The following TTC21A variants were observed in gnomAD, a reference collection of about 807,000 sequenced individuals.
The protein encoded by TTC21A is tetratricopeptide repeat protein 21A.
In TTC21A, 128 loss-of-function variants were observed where a neutral mutation model predicts 156.4. The ratio of observed to expected loss-of-function variants is 0.82; its 90% CI spans 0.71 to 0.95. The LOEUF is 0.95. Ranked by LOEUF, TTC21A falls within the 40% of genes least tolerant of loss-of-function variation. The pLI, the probability that TTC21A is intolerant of heterozygous loss-of-function variation, is 0.00. For missense variants in TTC21A, 1,435 were observed against 1,602.3 expected (o/e 0.90, Z 1.78); for synonymous variants, 587 against 617.1 (o/e 0.95, Z 0.72).
intron 22 of TTC21A, 70 bp downstream of exon 22, chr3:39,135,244 G>GA: frequency 7.4e-7 from 1 of 1,342,446 alleles, no homozygotes; most frequent in Non-Finnish European, 1.1e-6. Context: ...AGAGAAGGGT[G>GA]GGACCTCTCC....
intron 23 of TTC21A, 49 bp downstream of exon 23, chr3:39,136,556 ACTGGC>A: frequency 6.3e-7 from 1 of 1,592,808 alleles, no homozygotes; most frequent in South Asian, 1.1e-5. Flanking sequence ...AGGAAGCCCT[ACTGGC>A]AGATAGGCTA....
intron 7 of TTC21A, chr3:39,119,295 G>A (rs944187772): frequency 1.3e-5 from 2 of 152,306 alleles, no homozygotes; most frequent in Non-Finnish European, 2.9e-5. Context: ...CCTGGGTGGG[G>A]AGTGGGAAAG....
At chr3:39,112,736 G>A in intron 5 of TTC21A, 156 bp downstream of exon 5, 1 of 668,472 alleles carries the variant, frequency 1.5e-6, no homozygotes. Flanking sequence ...AACCAATCCA[G>A]GGTTACACAG....
At chr3:39,119,730 T>C (rs1250336544) in intron 7 of TTC21A, 192 bp from the exon 8 acceptor site, 3 of 511,056 alleles carry the variant, frequency 5.9e-6, no homozygotes, top group South Asian at 3.0e-5. Context: ...GTTCCACTTA[T>C]AGGCCTTTGA....
intron 6 of TTC21A, among the ~76,000 whole-genome samples, chr3:39,116,102 G>A (rs1377851684): frequency 1.3e-5 from 2 of 152,234 alleles, no homozygotes; most frequent in Non-Finnish European, 2.9e-5. Context: ...AGCCATATGT[G>A]GATGTTTGTG....
Position 39,138,447 on chromosome 3 carries a change from C to T in TTC21A, c.3796+60C>T. 7 of 1,613,276 alleles carry T rather than the reference C, an allele frequency of 4.3e-6. No individual in the cohort carries two copies. In the Admixed American group the frequency reaches 1.2e-4, roughly 27 times the overall value. On this transcript the variant is annotated intron_variant, in intron 27 of 28. Transcript: ENST00000683103. ...GTGGGAGGGAGGTGGGCAGGAGGGC[C>T]CCCACCATGACCCCAGAACTCAAGG...
At chr3:39,120,185 G>A (rs984322089) in intron 8 of TTC21A, among the ~76,000 whole-genome samples, 165 bp downstream of exon 8, 8 of 152,138 alleles carry the variant, frequency 5.3e-5, no homozygotes, top group Non-Finnish European at 8.8e-5. Context: ...CTTGCCTCTG[G>A]CTGATAACTG....
Position 39,118,153 on chromosome 3 carries a change from A to G in TTC21A, c.801A>G (p.Thr267=). Residue 267 remains threonine (T), a splice_region_variant and synonymous_variant, in exon 7 of 29, where the codon ACA becomes ACG. Coordinates refer to ENST00000683103, the MANE Select transcript of TTC21A (RefSeq NM_001366900.1). ...TTGCAAGAGAAGGAAACATGACCAC[A>G]GTAAGTTCTTTGAAGACTCAGAAGG... is the stretch of plus-strand genomic sequence containing the variant. ...HELAREGNMT[T]ATNHVRNLIK... is the part of the protein sequence containing the mutation. 1 of 1,614,138 alleles carries G rather than the reference A, an allele frequency of 6.2e-7. No homozygotes were observed. The highest frequency in any genetic ancestry group is 8.5e-7 in the Non-Finnish European group (1 of 1,179,978).
intron 9 of TTC21A, among the ~76,000 whole-genome samples, chr3:39,122,706 T>C (rs1420714564): frequency 6.6e-6 from 1 of 152,204 alleles, no homozygotes; most frequent in African/African-American, 2.4e-5. Context: ...TTTCCCACCA[T>C]AACCAGGGAC....
At chr3:39,123,234 A>G (rs2037921728) in intron 9 of TTC21A, among the ~76,000 whole-genome samples, 1 of 152,250 alleles carries the variant, frequency 6.6e-6, no homozygotes, top group South Asian at 2.1e-4. Flanking sequence ...TGGGCCTAAT[A>G]GTGGGATGGA....
At chr3:39,116,641 AT>A (rs1374479125) in intron 6 of TTC21A, among the ~76,000 whole-genome samples, 2 of 151,534 alleles carry the variant, frequency 1.3e-5, no homozygotes, top group Admixed American at 1.3e-4. Flanking sequence ...ATACCCAGCT[AT>A]TTTTTTTATA....
In TTC21A at chr3:39,126,337, C is replaced by A. The variant is rs776758638; in HGVS notation, c.1469C>A (p.Ala490Glu). 1 of 1,614,010 alleles carries A rather than the reference C, an allele frequency of 6.2e-7. No individual in the cohort carries two copies. Among genetic ancestry groups the A allele is most frequent in the Non-Finnish European group, 8.5e-7 (1 of 1,180,022 alleles). ...AVILNPVVKA[A>E]PALIDPLYLM... ...ATCTTGAATCCTGTAGTCAAAGCAG[C>A]ACCAGCTCTGATCGACCCCCTGTAT... The change falls in exon 12 of 29, where the codon GCA becomes GAA. Residue 490 changes from alanine (A) to glutamate (E), a missense_variant. By Grantham distance (107) the Ala-to-Glu change is moderately radical. Coordinates refer to ENST00000683103, the MANE Select transcript of TTC21A (RefSeq NM_001366900.1).
chr3:39,112,387 G>C lies in TTC21A; in HGVS notation c.436-71G>C, dbSNP rs1387499866. On this transcript the variant is annotated intron_variant, in intron 4 of 28. Transcript: ENST00000683103. ...CTCAGGGTTTTGGGTGGCAAAGTGT[G>C]GATCATGTGCAGGCTGAGTTGATTC... is the stretch of plus-strand genomic sequence containing the variant. 15 of 1,553,910 alleles carry C rather than the reference G, an allele frequency of 9.7e-6. No individual in the cohort carries two copies. In the African/African-American group the frequency reaches 1.1e-4, roughly 11 times the overall value.
At chr3:39,116,476 G>GCCC (rs5848489) in intron 6 of TTC21A, among the ~76,000 whole-genome samples, 20,009 of 150,076 alleles carry the variant, frequency 0.13, 1,484 homozygotes, top group African/African-American at 0.21. Context: ...ATTAATTTCT[G>GCCC]CCCCCCCCTT....
rs186774683 is a variant in TTC21A, at chr3:39,120,017, A to T, written c.897A>T (p.Arg299=). 228 of 1,595,190 alleles carry T rather than the reference A, an allele frequency of 1.4e-4. No homozygotes were observed. Among genetic ancestry groups the T allele is most frequent in the Admixed American group, 5.3e-4 (32 of 59,944 alleles). The change falls in exon 8 of 29, where the codon CGA becomes CGT. Residue 299 remains arginine (R), a synonymous_variant. Transcript: ENST00000683103. ...LHLKKIIVVS[R]LCGSHQVILG... is the part of the protein sequence containing the mutation. ...TTAAAAAAATTATTGTGGTTAGCCG[A>T]CTGGTAAGAAGGTTCTTTCCTGGTT...
chr3:39,125,158 G>C lies in TTC21A; in HGVS notation c.1189G>C (p.Glu397Gln). The change falls in exon 10 of 29, where the codon GAG (glutamate) becomes CAG (glutamine). Residue 397 changes from glutamate to glutamine, a missense_variant and splice_region_variant. Physicochemically the swap from Glu to Gln is conservative, Grantham distance 29 (BLOSUM62 2). Transcript: ENST00000683103. ...GGTGCAGAAGTCCCTTGGGAAGTCT[G>C]AGGTCAGAGCTCCCTGGGGGTATGG... ...KEVQKSLGKS[E>Q]VLIFLQALLM... 3.7e-6 allele frequency: 6 copies of C among 1,612,348 alleles called. No homozygotes were observed. The highest frequency in any genetic ancestry group is 1.3e-5 in the African/African-American group (1 of 74,978).
intron 6 of TTC21A, among the ~76,000 whole-genome samples, chr3:39,115,968 C>A (rs1358267807): frequency 6.6e-6 from 1 of 152,266 alleles, no homozygotes; most frequent in Non-Finnish European, 1.5e-5. Flanking sequence ...CTGCCCAGCG[C>A]CACACATGTA....
At chr3:39,108,984 A>T (rs1365372669) in intron 1 of TTC21A, 101 bp from the exon 2 acceptor site, 3 of 1,328,574 alleles carry the variant, frequency 2.3e-6, no homozygotes, top group African/African-American at 1.5e-5. Flanking sequence ...AGAACTGAGG[A>T]GGAGCAGGGG....
At position 39,128,435 on chromosome 3, in the gene TTC21A, AACTTTGGCATGTGCTTCCACT is replaced by A. The variant is rs1294907543; in HGVS notation, c.1628_1648del (p.Asn543_Cys550delinsSer). The A allele has an allele frequency of 6.2e-7, 1 of 1,614,060 alleles. No homozygotes were observed. The highest frequency in any genetic ancestry group is 1.3e-5 in the African/African-American group (1 of 74,912). On this transcript the variant is annotated inframe_deletion, in exon 13 of 29. Transcript: ENST00000683103. ...GTGTCAGATCTACTTGGCTCAGGGCAACTTTGGCATGTGCTTCCACTGCTTAGAGCTGGGTGTCAGCCACAA... is the reference window on the plus strand; with the variant it reads ...GTGTCAGATCTACTTGGCTCAGGGCAGCTTAGAGCTGGGTGTCAGCCACAA...
Sources: gnomAD v4.1 joint callset for allele counts (sites outside exome capture counted in the v4.1 genomes callset) on GRCh38, gnomAD v4.1.1 for gene constraint, MANE v1.5 for transcripts, NCBI Gene and HGNC (gene_info 2026-07-23, HGNC 2026-07-21) for gene names.